Variants in KHDRBS2 observed in about 807,000 individuals in gnomAD.
KHDRBS2 encodes KH domain-containing, RNA-binding, signal transduction-associated protein 2.
KHDRBS2 carries 26 observed loss-of-function variants against 44.3 expected under a neutral mutation model. That is an observed-to-expected ratio of 0.59 (90% CI 0.43 to 0.81). The LOEUF is 0.81. Among genes scored for constraint, KHDRBS2 ranks in the 40% least tolerant of loss-of-function variants. KHDRBS2 has a pLI of 0.00. For missense variants in KHDRBS2, 476 were observed against 433.1 expected, an observed-to-expected ratio of 1.10 and a Z score of -0.88; for synonymous variants, 194 against 151.1, an observed-to-expected ratio of 1.28 and a Z score of -2.08.
chr6:61,938,882 C>A (rs140809658), intron 4 of KHDRBS2, among the ~76,000 whole-genome samples: 2 of 151,898 alleles, frequency 1.3e-5, no homozygotes, highest in Non-Finnish European at 2.9e-5. Flanking sequence ...GATGTTGCAC[C>A]AAGTGTCCTC....
chr6:61,954,366 T>C (rs555144100), intron 4 of KHDRBS2, among the ~76,000 whole-genome samples: 5 of 82,306 alleles, frequency 6.1e-5, no homozygotes, highest in African/African-American at 1.8e-4. Flanking sequence ...TGCATACATA[T>C]ATACGTATGT....
chr6:61,632,761 A>C, the KHDRBS2 span, among the ~76,000 whole-genome samples: 1 of 152,110 alleles, frequency 6.6e-6, no homozygotes, highest in African/African-American at 2.4e-5. Context: ...GGTTCACCTC[A>C]AATTCATCGC....
the KHDRBS2 span, among the ~76,000 whole-genome samples, chr6:61,590,998 AG>A: frequency 6.6e-6 from 1 of 152,238 alleles, no homozygotes; most frequent in Non-Finnish European, 1.5e-5. Flanking sequence ...CACCATACAG[AG>A]TAGAACACTC....
chr6:61,569,843 G>C, the KHDRBS2 span, among the ~76,000 whole-genome samples: 1 of 152,152 alleles, frequency 6.6e-6, no homozygotes, highest in African/African-American at 2.4e-5. Flanking sequence ...TTGTAGTCTG[G>C]CTCCTGGGAA....
At chr6:61,792,698 C>T (rs1335156317) in intron 6 of KHDRBS2, among the ~76,000 whole-genome samples, 1 of 151,666 alleles carries the variant, frequency 6.6e-6, no homozygotes, top group East Asian at 1.9e-4. Context: ...ACTTTCAAGC[C>T]CCTCTTCTTC....
At chr6:61,940,378 T>A (rs1250990343) in intron 4 of KHDRBS2, among the ~76,000 whole-genome samples, 2 of 152,034 alleles carry the variant, frequency 1.3e-5, no homozygotes, top group African/African-American at 4.8e-5. Flanking sequence ...ACTCCTGCAA[T>A]CCTAGCCATG....
intron 4 of KHDRBS2, among the ~76,000 whole-genome samples, chr6:61,944,495 G>A (rs768748102): frequency 3.9e-5 from 6 of 152,094 alleles, no homozygotes; most frequent in African/African-American, 9.7e-5. Context: ...CCACAGGTAG[G>A]GAAGGGTGTG....
At chr6:61,576,688 A>G in the KHDRBS2 span, among the ~76,000 whole-genome samples, 1 of 152,206 alleles carries the variant, frequency 6.6e-6, no homozygotes, top group African/African-American at 2.4e-5. Context: ...TAAACTGTAC[A>G]TAAACTATAT....
At chr6:61,896,819 T>G (rs1166654577) in intron 5 of KHDRBS2, among the ~76,000 whole-genome samples, 1 of 152,202 alleles carries the variant, frequency 6.6e-6, no homozygotes, top group Non-Finnish European at 1.5e-5. Context: ...AGCCTACTGA[T>G]TTCCAAATCC....
the KHDRBS2 span, among the ~76,000 whole-genome samples, chr6:61,575,772 T>G: frequency 6.6e-6 from 1 of 152,126 alleles, no homozygotes; most frequent in Non-Finnish European, 1.5e-5. Flanking sequence ...ACTACTCAGA[T>G]ATAAAAAGGA....
At chr6:62,279,001 G>A (rs1256849271) in intron 1 of KHDRBS2, among the ~76,000 whole-genome samples, 1 of 152,196 alleles carries the variant, frequency 6.6e-6, no homozygotes, top group Non-Finnish European at 1.5e-5. Flanking sequence ...GGCTGAGACA[G>A]GAGAATGGCC....
intron 6 of KHDRBS2, among the ~76,000 whole-genome samples, chr6:61,879,850 TTA>T (rs1404440191): frequency 6.6e-6 from 1 of 151,784 alleles, no homozygotes; most frequent in East Asian, 1.9e-4. Context: ...TCTCATAACA[TTA>T]TATATCTTTA....
rs574972388 is a variant in KHDRBS2, at chr6:62,223,654, A to C, written c.92-46342T>G. Among the ~76,000 whole-genome samples, 6 of 152,282 alleles carry C rather than the reference A, an allele frequency of 3.9e-5. No homozygotes were observed. In the South Asian group the frequency reaches 6.2e-4, roughly 16 times the overall value. Reference sequence around the variant, plus strand: ...ATGCTTTTAACAGCACCCAAGTCACATCTTGAATGCTTTGCTGCTTAGAAG... The same window carrying C: ...ATGCTTTTAACAGCACCCAAGTCACCTCTTGAATGCTTTGCTGCTTAGAAG... On this transcript the variant is annotated intron_variant, in intron 1 of 8. Transcript: ENST00000281156.
intron 6 of KHDRBS2, among the ~76,000 whole-genome samples, chr6:61,860,876 C>T (rs1017717803): frequency 6.6e-6 from 1 of 152,048 alleles, no homozygotes; most frequent in African/African-American, 2.4e-5. Context: ...ATCTCGACAG[C>T]ATCTGTTCTT....
chr6:61,776,187 C>A (rs2127579202), intron 6 of KHDRBS2, among the ~76,000 whole-genome samples: 1 of 152,108 alleles, frequency 6.6e-6, no homozygotes, highest in African/African-American at 2.4e-5. Flanking sequence ...CCATAAAAAC[C>A]CTAGAAGAAA....
At chr6:62,285,212 G>C (rs1253300256) in intron 1 of KHDRBS2, among the ~76,000 whole-genome samples, 1 of 152,020 alleles carries the variant, frequency 6.6e-6, no homozygotes, top group Non-Finnish European at 1.5e-5. Context: ...GTACACAAAA[G>C]AAAATGCACA....
intron 2 of KHDRBS2, among the ~76,000 whole-genome samples, chr6:62,062,764 G>A (rs1792322430): frequency 6.8e-6 from 1 of 146,456 alleles, no homozygotes. Flanking sequence ...CAGAAGGCAA[G>A]AAATAACGAA....
chr6:61,651,631 C>T, the KHDRBS2 span, among the ~76,000 whole-genome samples: 18 of 152,242 alleles, frequency 1.2e-4, no homozygotes, highest in Admixed American at 1.1e-3. Context: ...GATTACATAT[C>T]TTGTCCACAA....
At chr6:61,928,549 C>T (rs954614740) in intron 4 of KHDRBS2, among the ~76,000 whole-genome samples, 3 of 151,868 alleles carry the variant, frequency 2.0e-5, no homozygotes, top group Non-Finnish European at 2.9e-5. Context: ...AAATATCATA[C>T]AATTACTTCA....
Sources: allele counts gnomAD v4.1 joint callset (sites outside exome capture counted in the v4.1 genomes callset), GRCh38; gene constraint gnomAD v4.1.1; transcripts MANE v1.5; gene names NCBI Gene and HGNC (gene_info 2026-07-23, HGNC 2026-07-21).